CDH23: variants seen among roughly 807,000 people sequenced by gnomAD.
The protein encoded by CDH23 is cadherin related 23.
Under a neutral mutation model 317.1 loss-of-function variants are expected in CDH23, and 189 were observed. The ratio of observed to expected loss-of-function variants is 0.60; its 90% CI spans 0.53 to 0.67. The LOEUF is 0.67. Ranked by LOEUF, CDH23 falls within the 30% of genes least tolerant of loss-of-function variation. The pLI, the probability that CDH23 is intolerant of heterozygous loss-of-function variation, is 0.00. For synonymous variants in CDH23, 1,839 were observed against 1,876.8 expected, an observed-to-expected ratio of 0.98 and a Z score of 0.52; for missense variants, 4,401 against 4,592.4, an observed-to-expected ratio of 0.96 and a Z score of 1.20.
At chr10:71,789,800 G>A (rs1418945040) in intron 45 of CDH23, among the ~76,000 whole-genome samples, 5 of 152,224 alleles carry the variant, frequency 3.3e-5, no homozygotes, top group Admixed American at 6.5e-5. Context: ...CACAACCAGG[G>A]AATCCCAGGC....
chr10:71,783,737 T>C (rs1841019546), intron 41 of CDH23, among the ~76,000 whole-genome samples: 1 of 152,140 alleles, frequency 6.6e-6, no homozygotes, highest in African/African-American at 2.4e-5. Context: ...GGGGACTAAA[T>C]AGAGGGCACT....
intron 9 of CDH23, among the ~76,000 whole-genome samples, chr10:71,614,560 G>GA (rs1326081190): frequency 6.6e-6 from 1 of 152,190 alleles, no homozygotes; most frequent in Non-Finnish European, 1.5e-5. Flanking sequence ...ATCTTCAGAG[G>GA]GCCGGGAAGG....
At chr10:71,666,864 T>G (rs867036590) in intron 14 of CDH23, among the ~76,000 whole-genome samples, 24 of 152,280 alleles carry the variant, frequency 1.6e-4, no homozygotes, top group Middle Eastern at 3.4e-3. Context: ...GTTTAAGGAC[T>G]TATACAGAGG....
chr10:71,725,596 G>T, intron 30 of CDH23, 76 bp downstream of exon 30: 1 of 1,504,530 alleles, frequency 6.6e-7, no homozygotes, highest in East Asian at 2.4e-5. Context: ...AAGGCCATTA[G>T]TTGGCGCCTG....
At chr10:71,771,342 C>G (rs1840679029) in intron 38 of CDH23, among the ~76,000 whole-genome samples, 1 of 152,220 alleles carries the variant, frequency 6.6e-6, no homozygotes, top group African/African-American at 2.4e-5. Flanking sequence ...TCAGTGCTGG[C>G]CCAACCCCAA....
chr10:71,670,456 A>G (rs527857334), intron 14 of CDH23, among the ~76,000 whole-genome samples: 18 of 152,312 alleles, frequency 1.2e-4, no homozygotes, highest in African/African-American at 4.3e-4. Context: ...GGAATGGCAG[A>G]TTCTGCCACA....
At chr10:71,764,813 A>G (rs193183618) in intron 38 of CDH23, among the ~76,000 whole-genome samples, 3 of 152,286 alleles carry the variant, frequency 2.0e-5, no homozygotes, top group Admixed American at 2.0e-4. Flanking sequence ...TTATGCTACA[A>G]ATCTGACCCA....
At chr10:71,497,401 C>T (rs1853035095) in intron 3 of CDH23, among the ~76,000 whole-genome samples, 1 of 152,130 alleles carries the variant, frequency 6.6e-6, no homozygotes, top group Non-Finnish European at 1.5e-5. Flanking sequence ...CTTCAACCCT[C>T]ATGGGCCTGG....
intron 60 of CDH23, 110 bp downstream of exon 60, chr10:71,808,117 G>GC (rs1841795976): frequency 3.0e-6 from 4 of 1,333,684 alleles, no homozygotes; most frequent in South Asian, 1.4e-5. Flanking sequence ...GATATGGGTG[G>GC]CCCCCCAGCC....
intron 28 of CDH23, among the ~76,000 whole-genome samples, chr10:71,719,274 G>A (rs1866438501): frequency 6.6e-6 from 1 of 152,148 alleles, no homozygotes; most frequent in African/African-American, 2.4e-5. Flanking sequence ...GGGAGAGGAT[G>A]CCTTGCCCGG....
intron 11 of CDH23, among the ~76,000 whole-genome samples, chr10:71,618,022 T>C (rs1861282892): frequency 6.6e-6 from 1 of 152,166 alleles, no homozygotes; most frequent in South Asian, 2.1e-4. Flanking sequence ...ATAAACCATA[T>C]GTGTATTTTC....
chr10:71,496,600 A>G (rs552593135), intron 3 of CDH23, among the ~76,000 whole-genome samples: 97 of 152,352 alleles, frequency 6.4e-4, no homozygotes, highest in African/African-American at 2.3e-3. Context: ...ATTGCTCGAA[A>G]GCTCCAGCTG....
At chr10:71,796,045 A>C (rs567325058) in intron 48 of CDH23, 12 of 986,382 alleles carry the variant, frequency 1.2e-5, no homozygotes, top group Non-Finnish European at 1.4e-5. Flanking sequence ...GAGAGTAGGA[A>C]GAGGAGGAGG....
chr10:71,806,128 C>G, intron 56 of CDH23, 40 bp from the exon 57 acceptor site: 1 of 1,540,162 alleles, frequency 6.5e-7, no homozygotes, highest in East Asian at 2.5e-5. Flanking sequence ...CCAATCCCCT[C>G]TCCCAGTCTT....
At chr10:71,701,520 G>A (rs1865583147) in intron 22 of CDH23, among the ~76,000 whole-genome samples, 1 of 151,998 alleles carries the variant, frequency 6.6e-6, no homozygotes, top group African/African-American at 2.4e-5. Context: ...AGTGTCTGAG[G>A]TCCAGTCCTG....
intron 9 of CDH23, among the ~76,000 whole-genome samples, chr10:71,583,238 G>C (rs1438166658): frequency 6.6e-6 from 1 of 152,038 alleles, no homozygotes; most frequent in Non-Finnish European, 1.5e-5. Context: ...GAGTGCACAG[G>C]GGAGGCGGGG....
intron 14 of CDH23, chr10:71,647,709 G>A (rs1038954451): frequency 6.6e-6 from 1 of 152,210 alleles, no homozygotes; most frequent in African/African-American, 2.4e-5. Flanking sequence ...CTGGTATGCC[G>A]GGGAGGGATC....
At chr10:71,648,178 G>T (rs1463933854) in intron 14 of CDH23, among the ~76,000 whole-genome samples, 1 of 152,212 alleles carries the variant, frequency 6.6e-6, no homozygotes, top group Admixed American at 6.5e-5. Context: ...TCTAGCCCAT[G>T]ACTCCTCCAG....
At chr10:71,585,107 G>C (rs1858957602) in intron 9 of CDH23, among the ~76,000 whole-genome samples, 1 of 152,208 alleles carries the variant, frequency 6.6e-6, no homozygotes, top group Non-Finnish European at 1.5e-5. Context: ...GCTCTAATCT[G>C]TCCTTGCCGC....
Sources: gnomAD v4.1 joint callset for allele counts (sites outside exome capture counted in the v4.1 genomes callset) on GRCh38, gnomAD v4.1.1 for gene constraint, MANE v1.5 for transcripts, NCBI Gene and HGNC (gene_info 2026-07-23, HGNC 2026-07-21) for gene names.